The following ZNF266 variants were observed in gnomAD, a reference collection of about 807,000 sequenced individuals.
The protein encoded by ZNF266 is zinc finger protein 266, also known as zinc finger protein 1.
ZNF266 carries 16 observed loss-of-function variants against 16.4 expected under a neutral mutation model. The ratio of observed to expected loss-of-function variants is 0.98; its 90% CI spans 0.66 to 1.48. The LOEUF (loss-of-function observed/expected upper bound fraction) is 1.48. Ranked by LOEUF, ZNF266 falls within the 40% of genes most tolerant of loss-of-function variation. ZNF266 has a pLI of 0.00. For missense variants in ZNF266, 738 were observed against 689.1 expected, an observed-to-expected ratio of 1.07 and a Z score of -0.79; for synonymous variants, 262 against 237.9, an observed-to-expected ratio of 1.10 and a Z score of -0.93.
chr19:9,426,468 T>C (rs2070759422), intron 5 of ZNF266, among the ~76,000 whole-genome samples: 1 of 144,008 alleles, frequency 6.9e-6, no homozygotes, highest in African/African-American at 2.6e-5. Context: ...TAAGAACCCT[T>C]CAGGCAGTTA....
intron 9 of ZNF266, 143 bp downstream of exon 9, chr19:9,417,685 T>G (rs1468800702): frequency 3.5e-6 from 2 of 567,626 alleles, no homozygotes; most frequent in Non-Finnish European, 6.3e-6. Flanking sequence ...GAGGCGGAGG[T>G]TGCAGTGAGC....
chr19:9,431,421 T>C (rs1332195275), intron 5 of ZNF266, among the ~76,000 whole-genome samples: 1 of 152,150 alleles, frequency 6.6e-6, no homozygotes, highest in African/African-American at 2.4e-5. Context: ...ACAATGCGCA[T>C]GCCAGGATGC....
At chr19:9,417,247 T>C (rs2069177872) in intron 9 of ZNF266, among the ~76,000 whole-genome samples, 2 of 151,976 alleles carry the variant, frequency 1.3e-5, no homozygotes, top group East Asian at 3.9e-4. Context: ...CACACACCTG[T>C]AGTCCCGGCT....
At chr19:9,415,045 A>C (rs1490895726) in intron 10 of ZNF266, among the ~76,000 whole-genome samples, 3 of 152,214 alleles carry the variant, frequency 2.0e-5, no homozygotes, top group Non-Finnish European at 4.4e-5. Context: ...CTGTAATCCC[A>C]GTGCTTTGGG....
chr19:9,430,528 T>C (rs2071437251), intron 5 of ZNF266, among the ~76,000 whole-genome samples: 1 of 152,178 alleles, frequency 6.6e-6, no homozygotes, highest in Admixed American at 6.5e-5. Context: ...TTACATATGC[T>C]TTACTAAATC....
chr19:9,420,879 C>A (rs1436361348), intron 5 of ZNF266: 1 of 151,958 alleles, frequency 6.6e-6, no homozygotes, highest in Non-Finnish European at 1.5e-5. Flanking sequence ...CAATTTTGTC[C>A]CTGACACCCA....
chr19:9,412,488 T>C lies in ZNF266; in HGVS notation c.*787A>G, dbSNP rs1242505043. On this transcript the variant is annotated 3_prime_UTR_variant, in exon 11 of 11. Transcript: ENST00000592904. Reference sequence around the variant, plus strand: ...GCTTAAAAATTTGTGTTGGTCTGCATTCAAAGCCATCCTGGCCTGCGGGTT... The same window carrying C: ...GCTTAAAAATTTGTGTTGGTCTGCACTCAAAGCCATCCTGGCCTGCGGGTT... 6.6e-6 allele frequency: 1 copy of C among 152,258 alleles called. No individual in the cohort carries two copies. The highest frequency in any genetic ancestry group is 1.9e-4 in the East Asian group (1 of 5,204). 9.4% of individuals were successfully genotyped at this position (152,258 alleles called of 1,614,324 possible).
At chr19:9,426,674 T>C (rs896159694) in intron 5 of ZNF266, among the ~76,000 whole-genome samples, 2 of 151,956 alleles carry the variant, frequency 1.3e-5, no homozygotes, top group Non-Finnish European at 2.9e-5. Context: ...AAATAAAAGG[T>C]AACTAGACTT....
In ZNF266 at chr19:9,413,327, C is replaced by T; in HGVS notation, c.1799G>A (p.Ser600Asn). The T allele has an allele frequency of 2.5e-6, 4 of 1,609,584 alleles. No homozygotes were observed. The highest frequency in any genetic ancestry group is 2.5e-6 in the Non-Finnish European group (3 of 1,177,634). The stretch of plus-strand genomic sequence containing the variant: ...CCTTCTTTCATGATTTCGAAAGGAA[C>T]TGGAAGAACTGAAGGCTTTCCCGCA... ...KECGKAFSSS[S>N]SFRNHERRHA... Residue 600 changes from serine (S) to asparagine (N), a missense_variant, in exon 11 of 11, where the codon AGT becomes AAT. Physicochemically the swap from Ser to Asn is conservative, Grantham distance 46. Coordinates refer to ENST00000592904, the MANE Select transcript of ZNF266 (RefSeq NM_001370374.1).
chr19:9,433,965 ACT>A lies in ZNF266; in HGVS notation c.-249+108_-249+109del, dbSNP rs2072049395. 3 of 151,976 alleles carry A rather than the reference ACT, an allele frequency of 2.0e-5. No homozygotes were observed. In the South Asian group the frequency reaches 6.2e-4, roughly 32 times the overall value. 9.4% of individuals were successfully genotyped at this position (151,976 alleles called of 1,614,324 possible). ...TGCACTGGAGCCTGGCAACAGCGAA[ACT>A]CTGTCTCCCAAAAGATATCACTTAC... On this transcript the variant is annotated intron_variant, in intron 4 of 10. Transcript: ENST00000592904.
chr19:9,434,685 T>A (rs975887257), intron 3 of ZNF266, 113 bp downstream of exon 3: 1 of 152,226 alleles, frequency 6.6e-6, no homozygotes, highest in African/African-American at 2.4e-5. Context: ...AACAACATTT[T>A]AAATTTTCTG....
At chr19:9,434,591 G>A (rs1014422777) in intron 3 of ZNF266, among the ~76,000 whole-genome samples, 3 of 152,094 alleles carry the variant, frequency 2.0e-5, no homozygotes, top group Non-Finnish European at 4.4e-5. Flanking sequence ...CATGAAACTT[G>A]GATACGTAAT....
In ZNF266 at chr19:9,414,579, G is replaced by A; in HGVS notation, c.547C>T (p.Leu183Phe). 1 of 1,613,880 alleles carries A rather than the reference G, an allele frequency of 6.2e-7. No homozygotes were observed. The highest frequency in any genetic ancestry group is 1.7e-5 in the Admixed American group (1 of 60,022). Residue 183 changes from leucine to phenylalanine, a missense_variant, in exon 11 of 11, where the codon CTT becomes TTT. Transcript: ENST00000592904. ...GTAGAGGTTTTCTTGTGCAGAGTAAGGAAGTCTACTCCATACAGATAACAC... is the reference window on the plus strand; with the variant it reads ...GTAGAGGTTTTCTTGTGCAGAGTAAAGAAGTCTACTCCATACAGATAACAC... ...FECYLYGVDF[L>F]TLHKKTSTGE...
Position 9,413,745 on chromosome 19 carries a change from G to A in ZNF266, c.1381C>T (p.Arg461Cys), listed in dbSNP as rs887823834. The A allele has an allele frequency of 1.3e-5, 21 of 1,613,986 alleles. No homozygotes were observed. The highest frequency in any genetic ancestry group is 3.3e-5 in the South Asian group (3 of 91,080). ...TGAGTTCTTGTATGTTCACTAAGGC[G>A]AGAGGATCTGGCAAAGGCCTTTCCA... ...ECGKAFARSS[R>C]LSEHTRTHTG... is the part of the protein sequence containing the mutation. The change falls in exon 11 of 11, where the codon CGC becomes TGC. Residue 461 changes from arginine (R) to cysteine (C), a missense_variant. By Grantham distance (180) the Arg-to-Cys change is radical. Coordinates refer to ENST00000592904, the MANE Select transcript of ZNF266 (RefSeq NM_001370374.1).
chr19:9,424,496 T>C (rs1347585756), intron 5 of ZNF266, among the ~76,000 whole-genome samples: 1 of 152,126 alleles, frequency 6.6e-6, no homozygotes, highest in Non-Finnish European at 1.5e-5. Context: ...GAGGTTCAAG[T>C]GGAGGGCAGG....
intron 10 of ZNF266, among the ~76,000 whole-genome samples, chr19:9,415,006 A>T (rs562642698): frequency 6.6e-6 from 1 of 152,306 alleles, no homozygotes; most frequent in South Asian, 2.1e-4. Flanking sequence ...TAAAACACCT[A>T]AGTGTTGGCT....
intron 5 of ZNF266, 82 bp from the exon 6 acceptor site, chr19:9,420,300 A>C (rs2069661311): frequency 6.6e-6 from 1 of 152,250 alleles, no homozygotes; most frequent in Non-Finnish European, 1.5e-5. Context: ...GAGCATATAG[A>C]GGAAAAGACA....
chr19:9,415,773 A>G, intron 9 of ZNF266, 31 bp from the exon 10 acceptor site: 1 of 1,577,346 alleles, frequency 6.3e-7, no homozygotes, highest in Non-Finnish European at 8.7e-7. Context: ...AAGGGTTTGG[A>G]GACATACAGG....
intron 5 of ZNF266, among the ~76,000 whole-genome samples, chr19:9,429,467 G>A (rs1002557234): frequency 5.3e-5 from 8 of 151,906 alleles, no homozygotes; most frequent in Admixed American, 3.9e-4. Context: ...CAACCTAGAG[G>A]GCCACATCTA....
Sources: allele counts gnomAD v4.1 joint callset (sites outside exome capture counted in the v4.1 genomes callset), GRCh38; gene constraint gnomAD v4.1.1; transcripts MANE v1.5; gene names NCBI Gene and HGNC (gene_info 2026-07-23, HGNC 2026-07-21).